TMTC2: variants seen among roughly 807,000 people sequenced by gnomAD.
The protein encoded by TMTC2 is protein O-mannosyl-transferase TMTC2.
TMTC2 carries 43 observed loss-of-function variants against 82.4 expected under a neutral mutation model. The ratio of observed to expected loss-of-function variants is 0.52; its 90% CI spans 0.41 to 0.67. The LOEUF (loss-of-function observed/expected upper bound fraction) is 0.67. Ranked by LOEUF, TMTC2 falls within the 30% of genes least tolerant of loss-of-function variation. TMTC2 has a pLI of 0.00. For missense variants in TMTC2, 919 were observed against 1,012.4 expected, an observed-to-expected ratio of 0.91 and a Z score of 1.25; for synonymous variants, 408 against 381.9, an observed-to-expected ratio of 1.07 and a Z score of -0.80.
intron 7 of TMTC2, among the ~76,000 whole-genome samples, chr12:82,982,425 A>C (rs1271049271): frequency 2.2e-5 from 3 of 135,412 alleles, no homozygotes; most frequent in Admixed American, 8.3e-5. Flanking sequence ...TAACATATTT[A>C]ATTTATCCAT....
At chr12:83,029,353 TA>T (rs1212327880) in intron 8 of TMTC2, among the ~76,000 whole-genome samples, 1 of 152,128 alleles carries the variant, frequency 6.6e-6, no homozygotes, top group Non-Finnish European at 1.5e-5. Context: ...CAGCTATCAT[TA>T]GTGTTAGTGT....
intron 1 of TMTC2, among the ~76,000 whole-genome samples, chr12:82,696,998 A>G (rs1473121674): frequency 6.6e-6 from 1 of 150,864 alleles, no homozygotes; most frequent in East Asian, 2.0e-4. Flanking sequence ...CTATTAATAG[A>G]TCAGTGCTAC....
Position 82,965,620 on chromosome 12 carries a change from G to A in TMTC2, c.1745G>A (p.Arg582Gln), listed in dbSNP as rs777976259. Residue 582 changes from arginine (R) to glutamine (Q), a missense_variant, in exon 6 of 12, where the codon CGG (arginine) becomes CAG (glutamine). Arg to Gln is a conservative substitution (Grantham distance 43, BLOSUM62 1). Transcript: ENST00000321196. ...MNQGRTEEAR[R>Q]TFLKCSEIPD... is the part of the protein sequence containing the mutation. Reference sequence around the variant, plus strand: ...CAAGGAAGGACGGAAGAAGCCCGACGGACATTCTTAAAGTGTTCGGAGATC... The same window carrying A: ...CAAGGAAGGACGGAAGAAGCCCGACAGACATTCTTAAAGTGTTCGGAGATC... 9.3e-6 allele frequency: 15 copies of A among 1,613,608 alleles called. No individual in the cohort carries two copies. The highest frequency in any genetic ancestry group is 6.7e-5 in the East Asian group (3 of 44,888).
intron 1 of TMTC2, among the ~76,000 whole-genome samples, chr12:82,842,458 A>C (rs1252399133): frequency 6.6e-6 from 1 of 152,234 alleles, no homozygotes; most frequent in Non-Finnish European, 1.5e-5. Context: ...CAGTTCAACG[A>C]GTCATCAAAA....
At chr12:82,862,386 T>C (rs890565103) in intron 2 of TMTC2, among the ~76,000 whole-genome samples, 1 of 152,248 alleles carries the variant, frequency 6.6e-6, no homozygotes, top group Non-Finnish European at 1.5e-5. Flanking sequence ...TCCCCTTTAT[T>C]AGCCTCATAA....
chr12:83,000,458 A>C (rs991374267), intron 8 of TMTC2, among the ~76,000 whole-genome samples: 3 of 152,202 alleles, frequency 2.0e-5, no homozygotes, highest in Admixed American at 2.0e-4. Context: ...CTAAAGCTCC[A>C]TAATGATCTC....
intron 1 of TMTC2, among the ~76,000 whole-genome samples, chr12:82,809,444 G>A (rs974088012): frequency 1.3e-5 from 2 of 152,060 alleles, no homozygotes; most frequent in Non-Finnish European, 2.9e-5. Flanking sequence ...GTAGGGTAAA[G>A]GAGACAGTTG....
At chr12:82,966,405 C>A (rs974060050) in intron 6 of TMTC2, among the ~76,000 whole-genome samples, 8 of 152,024 alleles carry the variant, frequency 5.3e-5, no homozygotes, top group Admixed American at 3.9e-4. Flanking sequence ...CCCCTGCCCT[C>A]CCACTCACGT....
intron 7 of TMTC2, among the ~76,000 whole-genome samples, chr12:82,979,672 T>C (rs1333056219): frequency 6.6e-6 from 1 of 151,824 alleles, no homozygotes; most frequent in Non-Finnish European, 1.5e-5. Context: ...TTTTTCTCCA[T>C]ACTTACTACT....
intron 2 of TMTC2, among the ~76,000 whole-genome samples, chr12:82,873,152 T>A (rs1044755012): frequency 8.5e-5 from 13 of 152,192 alleles, no homozygotes; most frequent in African/African-American, 3.1e-4. Context: ...TCACCATCAA[T>A]CTTAATTTTA....
At chr12:82,881,449 G>T (rs755873755) in intron 2 of TMTC2, among the ~76,000 whole-genome samples, 2 of 152,090 alleles carry the variant, frequency 1.3e-5, no homozygotes, top group Non-Finnish European at 2.9e-5. Flanking sequence ...AAATTAGAGC[G>T]ATTACAATTA....
intron 11 of TMTC2, among the ~76,000 whole-genome samples, chr12:83,081,852 A>C (rs1002986198): frequency 2.6e-5 from 4 of 152,124 alleles, no homozygotes; most frequent in Admixed American, 2.6e-4. Context: ...CATCCTGGGC[A>C]ATGTAACAAG....
intron 11 of TMTC2, among the ~76,000 whole-genome samples, chr12:83,085,033 T>A (rs1419936686): frequency 2.6e-5 from 4 of 152,232 alleles, no homozygotes; most frequent in Admixed American, 6.5e-5. Flanking sequence ...GTCCAGAGTG[T>A]TGACTGCACC....
At chr12:82,786,372 G>A (rs1477650307) in intron 1 of TMTC2, among the ~76,000 whole-genome samples, 1 of 152,032 alleles carries the variant, frequency 6.6e-6, no homozygotes, top group Non-Finnish European at 1.5e-5. Flanking sequence ...ACAAGGTATA[G>A]TACATTATAT....
intron 11 of TMTC2, among the ~76,000 whole-genome samples, chr12:83,078,754 C>T (rs1883369765): frequency 6.6e-6 from 1 of 151,938 alleles, no homozygotes; most frequent in African/African-American, 2.4e-5. Context: ...TTTATCTTCA[C>T]TCTTTTATTC....
At chr12:82,948,222 A>G (rs1005485463) in intron 4 of TMTC2, among the ~76,000 whole-genome samples, 1 of 152,146 alleles carries the variant, frequency 6.6e-6, no homozygotes, top group Non-Finnish European at 1.5e-5. Context: ...AAAAATAGCC[A>G]GGCCTGGTGG....
intron 2 of TMTC2, among the ~76,000 whole-genome samples, chr12:82,866,072 A>G (rs1348236789): frequency 1.3e-5 from 2 of 152,128 alleles, no homozygotes; most frequent in Non-Finnish European, 2.9e-5. Flanking sequence ...AAGATCTAAA[A>G]TTGACACCCT....
intron 7 of TMTC2, among the ~76,000 whole-genome samples, chr12:82,972,760 A>G (rs1592667015): frequency 6.6e-6 from 1 of 152,150 alleles, no homozygotes; most frequent in Non-Finnish European, 1.5e-5. Flanking sequence ...TTCAAATTCT[A>G]CTTTAGGTCT....
chr12:82,977,809 T>G (rs566887391), intron 7 of TMTC2, among the ~76,000 whole-genome samples: 3 of 151,764 alleles, frequency 2.0e-5, no homozygotes, highest in Non-Finnish European at 4.4e-5. Context: ...ATTGCAGAAG[T>G]GCAGTACTTA....
Sources: gnomAD v4.1 joint callset for allele counts (sites outside exome capture counted in the v4.1 genomes callset) on GRCh38, gnomAD v4.1.1 for gene constraint, MANE v1.5 for transcripts, NCBI Gene and HGNC (gene_info 2026-07-23, HGNC 2026-07-21) for gene names.